The following LRRC37A2 variants were observed in gnomAD, a reference collection of about 807,000 sequenced individuals.
The protein encoded by LRRC37A2 is leucine-rich repeat-containing protein 37A2.
LRRC37A2 carries 9 observed loss-of-function variants against 68.8 expected under a neutral mutation model. The observed-to-expected ratio is 0.13, with a 90% CI of 0.08 to 0.23. LRRC37A2 has a LOEUF of 0.23. LRRC37A2 is among the 10% of genes least tolerant of loss of function. The pLI, the probability that LRRC37A2 is intolerant of heterozygous loss-of-function variation, is 1.00. For synonymous variants in LRRC37A2, 63 were observed against 367.6 expected (o/e 0.17, Z 9.48); for missense variants, 168 against 950.4 (o/e 0.18, Z 10.82).
At chr17:46,825,460 G>A in the LRRC37A2 span, among the ~76,000 whole-genome samples, 1 of 152,260 alleles carries the variant, frequency 6.6e-6, no homozygotes, top group Admixed American at 6.5e-5. Flanking sequence ...GCCTGCTGTG[G>A]ACAAGGCTCC....
At chr17:46,880,014 GC>G in the LRRC37A2 span, among the ~76,000 whole-genome samples, 1 of 152,190 alleles carries the variant, frequency 6.6e-6, no homozygotes, top group African/African-American at 2.4e-5. Context: ...TTTGTGTTTT[GC>G]TTGTAAAAAT....
the LRRC37A2 span, among the ~76,000 whole-genome samples, chr17:46,910,539 T>C: frequency 6.6e-6 from 1 of 152,198 alleles, no homozygotes; most frequent in Non-Finnish European, 1.5e-5. Flanking sequence ...CTTGGAGTAG[T>C]TGAGCAGATT....
the LRRC37A2 span, chr17:46,941,962 A>C: frequency 1.0e-6 from 1 of 985,202 alleles, no homozygotes; most frequent in Non-Finnish European, 1.2e-6. Context: ...AGATGATCAC[A>C]TTGGTGTAAA....
At chr17:46,638,577 A>G in the LRRC37A2 span, among the ~76,000 whole-genome samples, 1 of 109,322 alleles carries the variant, frequency 9.1e-6, no homozygotes, top group Non-Finnish European at 1.7e-5. Context: ...GGGTTTCACC[A>G]TGTTAATCAG....
At chr17:46,872,532 A>T in the LRRC37A2 span, 1 of 1,546,926 alleles carries the variant, frequency 6.5e-7, no homozygotes, top group Non-Finnish European at 8.7e-7. Context: ...CCGGGCGGGA[A>T]GTCCTGACGC....
At chr17:46,779,099 A>ACCC in the LRRC37A2 span, among the ~76,000 whole-genome samples, 138 of 128,630 alleles carry the variant, frequency 1.1e-3, 7 homozygotes, top group East Asian at 8.2e-3. Flanking sequence ...ACACACACAC[A>ACCC]CACACCCCAG....
At chr17:47,018,523 G>T in the LRRC37A2 span, 3 of 1,520,854 alleles carry the variant, frequency 2.0e-6, no homozygotes, top group Non-Finnish European at 2.7e-6. Flanking sequence ...CAGCTCTCAG[G>T]GTCAGGTAAT....
At chr17:46,937,027 G>A in the LRRC37A2 span, 2 of 158,890 alleles carry the variant, frequency 1.3e-5, no homozygotes, top group African/African-American at 4.8e-5. Flanking sequence ...GTTGCAGTGG[G>A]TGATATGTGC....
the LRRC37A2 span, among the ~76,000 whole-genome samples, chr17:47,047,865 A>G: frequency 1.3e-5 from 2 of 151,084 alleles, no homozygotes; most frequent in Non-Finnish European, 2.9e-5. Context: ...TTCACAGAAC[A>G]AATGCTCAAG....
At chr17:46,922,197 G>A in the LRRC37A2 span, among the ~76,000 whole-genome samples, 1 of 152,172 alleles carries the variant, frequency 6.6e-6, no homozygotes, top group South Asian at 2.1e-4. Flanking sequence ...CACGGATGAA[G>A]CTGGAAACCA....
chr17:46,922,896 G>T, the LRRC37A2 span: 8 of 526,736 alleles, frequency 1.5e-5, no homozygotes, highest in African/African-American at 3.8e-5. Flanking sequence ...AGTATCCCGC[G>T]ATTGTCCTTC....
the LRRC37A2 span, among the ~76,000 whole-genome samples, chr17:46,497,137 G>A: frequency 8.1e-6 from 1 of 123,116 alleles, no homozygotes; most frequent in Non-Finnish European, 1.7e-5. Flanking sequence ...CAAGCCACCT[G>A]CCCACCTCAA....
At chr17:46,932,626 T>C in the LRRC37A2 span, 2 of 325,116 alleles carry the variant, frequency 6.2e-6, no homozygotes, top group Non-Finnish European at 1.1e-5. Context: ...GTCAGGTGCA[T>C]TAAGATGTTT....
chr17:46,910,452 G>T, the LRRC37A2 span, among the ~76,000 whole-genome samples: 1 of 152,254 alleles, frequency 6.6e-6, no homozygotes, highest in South Asian at 2.1e-4. Flanking sequence ...TGACTCTCAC[G>T]GTGGGGTAAG....
At chr17:46,751,752 G>A in the LRRC37A2 span, 1 of 541,778 alleles carries the variant, frequency 1.8e-6, no homozygotes. Context: ...AACTTAATTT[G>A]GTATTAGTAG....
At chr17:46,712,813 C>T in the LRRC37A2 span, among the ~76,000 whole-genome samples, 1 of 151,902 alleles carries the variant, frequency 6.6e-6, no homozygotes, top group Non-Finnish European at 1.5e-5. Context: ...CAAGAGTAAC[C>T]AGAGAGGAAA....
At chr17:46,935,709 G>A in the LRRC37A2 span, 1 of 989,264 alleles carries the variant, frequency 1.0e-6, no homozygotes, top group Non-Finnish European at 1.2e-6. Context: ...GGTGATCCCA[G>A]CGACTCTTCA....
At chr17:46,758,176 T>C in the LRRC37A2 span, among the ~76,000 whole-genome samples, 1 of 152,314 alleles carries the variant, frequency 6.6e-6, no homozygotes, top group African/African-American at 2.4e-5. Flanking sequence ...CTCCATAGTT[T>C]TTTACATTTT....
chr17:47,000,216 T>A, the LRRC37A2 span, among the ~76,000 whole-genome samples: 1 of 147,178 alleles, frequency 6.8e-6, no homozygotes, highest in Non-Finnish European at 1.5e-5. Flanking sequence ...CAATGTATGT[T>A]GACAATTGCT....
Sources: allele counts gnomAD v4.1 joint callset (sites outside exome capture counted in the v4.1 genomes callset), GRCh38; gene constraint gnomAD v4.1.1; transcripts MANE v1.5; gene names NCBI Gene and HGNC (gene_info 2026-07-23, HGNC 2026-07-21).